Variants in MED12L observed in about 807,000 individuals in gnomAD.
MED12L encodes mediator complex subunit 12L.
In MED12L, 60 loss-of-function variants were observed where a neutral mutation model predicts 281.3. The ratio of observed to expected loss-of-function variants is 0.21; its 90% CI spans 0.17 to 0.26. MED12L has a LOEUF of 0.26. Ranked by LOEUF, MED12L falls within the 10% of genes least tolerant of loss-of-function variation. MED12L has a pLI of 1.00. For synonymous variants in MED12L, 974 were observed against 987.2 expected, an observed-to-expected ratio of 0.99 and a Z score of 0.25; for missense variants, 2,146 against 2,680.9, an observed-to-expected ratio of 0.80 and a Z score of 4.41.
chr3:151,258,493 G>C (rs1738248076), intron 16 of MED12L, among the ~76,000 whole-genome samples: 1 of 152,138 alleles, frequency 6.6e-6, no homozygotes, highest in South Asian at 2.1e-4. Context: ...CCTTGCAACA[G>C]AACAATGAGA....
intron 16 of MED12L, among the ~76,000 whole-genome samples, chr3:151,199,968 C>T (rs1448660360): frequency 1.3e-5 from 2 of 151,598 alleles, no homozygotes; most frequent in Non-Finnish European, 2.9e-5. Flanking sequence ...CAAAAACAAA[C>T]AGAAAAAAAC....
chr3:151,306,910 A>G (rs1213265990), intron 16 of MED12L, among the ~76,000 whole-genome samples: 1 of 152,192 alleles, frequency 6.6e-6, no homozygotes, highest in Admixed American at 6.5e-5. Flanking sequence ...TATCTTTGCT[A>G]TCTGTCCTCC....
intron 43 of MED12L, among the ~76,000 whole-genome samples, chr3:151,419,393 C>T (rs62285925): frequency 6.6e-6 from 1 of 152,090 alleles, no homozygotes; most frequent in African/African-American, 2.4e-5. Flanking sequence ...GCATCCAACA[C>T]GGGAGAAAGA....
chr3:151,231,839 T>C (rs1411511197), intron 16 of MED12L, among the ~76,000 whole-genome samples: 1 of 152,232 alleles, frequency 6.6e-6, no homozygotes, highest in Non-Finnish European at 1.5e-5. Flanking sequence ...AGATGCTTAT[T>C]GAAGTATTTA....
chr3:151,165,527 A>G lies in MED12L; in HGVS notation c.1357+8A>G, dbSNP rs745468522. 10 of 1,603,640 alleles carry G rather than the reference A, an allele frequency of 6.2e-6. No homozygotes were observed. In the East Asian group the frequency reaches 2.0e-4, roughly 32 times the overall value. Reference sequence around the variant, plus strand: ...GCCAAGAATCCACAGCAGGTACAGAATGCCACAGAGGAACGAGTGCTTTTG... The same window carrying G: ...GCCAAGAATCCACAGCAGGTACAGAGTGCCACAGAGGAACGAGTGCTTTTG... On this transcript the variant is annotated splice_region_variant and intron_variant, in intron 10 of 44. Transcript: ENST00000687756.
chr3:151,152,192 T>C (rs1230804444), intron 5 of MED12L, among the ~76,000 whole-genome samples: 3 of 144,804 alleles, frequency 2.1e-5, no homozygotes, highest in African/African-American at 7.6e-5. Context: ...TTTTATCTCC[T>C]GGGCTCAAGC....
chr3:151,146,598 G>A (rs907657579), intron 5 of MED12L, among the ~76,000 whole-genome samples: 4 of 151,978 alleles, frequency 2.6e-5, no homozygotes, highest in African/African-American at 9.7e-5. Context: ...TACTTTGCAC[G>A]GTGTCATTGC....
intron 16 of MED12L, among the ~76,000 whole-genome samples, chr3:151,248,519 ACT>A (rs1261384379): frequency 6.6e-6 from 1 of 152,138 alleles, no homozygotes; most frequent in African/African-American, 2.4e-5. Context: ...ACCCAGCTGT[ACT>A]GGTCCACTTT....
In MED12L at chr3:151,238,155, C is replaced by CTTTTTT. The variant is rs1184407651; in HGVS notation, c.2250+44490_2250+44495dup. On this transcript the variant is annotated intron_variant, in intron 16 of 44. Coordinates refer to ENST00000687756, the MANE Select transcript of MED12L (RefSeq NM_001393769.1). ...TTTTTTCTTTTTTCTTTTTCTTTTT[C>CTTTTTT]TTTTTTCTTGAGATGGAGTCTCGCT... is the stretch of plus-strand genomic sequence containing the variant. Among the ~76,000 whole-genome samples the CTTTTTT allele has an allele frequency of 5.1e-3, 743 of 145,880 alleles. 12 individuals carry two copies. Among genetic ancestry groups the CTTTTTT allele is most frequent in the African/African-American group, 0.018 (696 of 39,464 alleles).
intron 39 of MED12L, among the ~76,000 whole-genome samples, chr3:151,406,374 G>A (rs1299116934): frequency 6.6e-6 from 1 of 152,060 alleles, no homozygotes; most frequent in Non-Finnish European, 1.5e-5. Flanking sequence ...CATTATTCTT[G>A]GAAAAACAAA....
At chr3:151,269,440 C>CACACACAAAA (rs1315138289) in intron 16 of MED12L, 8 of 220,754 alleles carry the variant, frequency 3.6e-5, no homozygotes, top group African/African-American at 1.0e-4. Context: ...CACACACACA[C>CACACACAAAA]AAAATTCAGA....
At chr3:151,214,105 C>T (rs995231498) in intron 16 of MED12L, 1 of 1,614,088 alleles carries the variant, frequency 6.2e-7, no homozygotes, top group Non-Finnish European at 8.5e-7. Context: ...AAAAGTCAGG[C>T]TCATCACAAA....
chr3:151,385,000 T>C, intron 35 of MED12L, 30 bp from the exon 36 acceptor site: 1 of 1,211,446 alleles, frequency 8.3e-7, no homozygotes, highest in Non-Finnish European at 1.2e-6. Flanking sequence ...GTCCCACTTC[T>C]CACTCTCTCT....
At chr3:151,330,343 C>CTT (rs1048669938) in intron 16 of MED12L, among the ~76,000 whole-genome samples, 1 of 152,108 alleles carries the variant, frequency 6.6e-6, no homozygotes, top group East Asian at 1.9e-4. Flanking sequence ...TTTTAGAAAT[C>CTT]TTTTTTGTAT....
chr3:151,397,917 C>T (rs895094666), intron 39 of MED12L, among the ~76,000 whole-genome samples: 1 of 152,124 alleles, frequency 6.6e-6, no homozygotes, highest in African/African-American at 2.4e-5. Flanking sequence ...TCAGCAGATG[C>T]TTTTATAGGC....
chr3:151,360,484 G>T lies in MED12L; in HGVS notation c.2836G>T (p.Val946Leu). Reference sequence around the variant, plus strand: ...TATTTTTCTCCTCAGGTTGTGTGGTGTGGTCAAGCATGTCGTAAACCCCTC... The same window carrying T: ...TATTTTTCTCCTCAGGTTGTGTGGTTTGGTCAAGCATGTCGTAAACCCCTC... ...TAQVFEGLCG[V>L]VKHVVNPSEC... Residue 946 changes from valine (V) to leucine (L), a missense_variant, in exon 21 of 45, where the codon GTG (valine) becomes TTG (leucine). Around this residue, in one of 9 missense-constraint regions of MED12L, gnomAD observed 404 missense variants for 603.5 expected, o/e 0.67. Transcript: ENST00000687756. 6.2e-7 allele frequency: 1 copy of T among 1,612,206 alleles called. No homozygotes were observed. Among genetic ancestry groups the T allele is most frequent in the Non-Finnish European group, 8.5e-7 (1 of 1,178,876 alleles).
intron 16 of MED12L, among the ~76,000 whole-genome samples, chr3:151,235,564 C>T (rs983320866): frequency 5.3e-5 from 8 of 151,980 alleles, no homozygotes; most frequent in Admixed American, 2.6e-4. Context: ...ATTAGCTGGG[C>T]GTGCCTGTAA....
Position 151,435,924 on chromosome 3 carries a change from T to A in MED12L, c.*3120T>A, listed in dbSNP as rs1045159365. 6.6e-6 allele frequency: 1 copy of A among 152,096 alleles called. No individual in the cohort carries two copies. Among genetic ancestry groups the A allele is most frequent in the African/African-American group, 2.4e-5 (1 of 41,420 alleles). 9.4% of individuals were successfully genotyped at this position (152,096 alleles called of 1,614,324 possible). ...GAGCAACGATTCCTGCTCAGAAAAA[T>A]TTCCTTATAAACAGCTCCAAACCAG... On this transcript the variant is annotated 3_prime_UTR_variant, in exon 45 of 45. Transcript: ENST00000687756.
intron 43 of MED12L, chr3:151,425,562 T>C (rs891289660): frequency 3.8e-5 from 13 of 343,596 alleles, no homozygotes; most frequent in African/African-American, 2.7e-4. Flanking sequence ...ATTTTTGTTT[T>C]TGTTTGTGTG....
Sources: gnomAD v4.1 joint callset for allele counts (sites outside exome capture counted in the v4.1 genomes callset) on GRCh38, gnomAD v4.1.1 for gene constraint, gnomAD v4.1.1 regional missense constraint, MANE v1.5 for transcripts, NCBI Gene and HGNC (gene_info 2026-07-23, HGNC 2026-07-21) for gene names.